The following LRMDA variants were observed in gnomAD, a reference collection of about 807,000 sequenced individuals.
LRMDA encodes leucine rich melanocyte differentiation associated.
Under a neutral mutation model 29.8 loss-of-function variants are expected in LRMDA, and 18 were observed. The observed-to-expected ratio is 0.60, with a 90% confidence interval of 0.42 to 0.90. LRMDA has a LOEUF of 0.90. Among genes scored for constraint, LRMDA ranks in the 40% least tolerant of loss-of-function variants. LRMDA has a pLI of 0.00. For missense variants in LRMDA, 273 were observed against 273.9 expected, an observed-to-expected ratio of 1.00 and a Z score of 0.02; for synonymous variants, 125 against 109.4, an observed-to-expected ratio of 1.14 and a Z score of -0.89.
chr10:75,485,012 G>T (rs1844894928), intron 2 of LRMDA, among the ~76,000 whole-genome samples: 1 of 152,196 alleles, frequency 6.6e-6, no homozygotes, highest in South Asian at 2.1e-4. Flanking sequence ...AGAACAAACA[G>T]TTCAGATAGA....
chr10:76,398,653 C>T (rs1589165937), intron 6 of LRMDA, among the ~76,000 whole-genome samples: 1 of 152,184 alleles, frequency 6.6e-6, no homozygotes, highest in African/African-American at 2.4e-5. Context: ...AAATTACATT[C>T]AGACATTCAA....
chr10:76,158,509 A>G (rs748955963), intron 5 of LRMDA, among the ~76,000 whole-genome samples: 1 of 151,654 alleles, frequency 6.6e-6, no homozygotes, highest in Non-Finnish European at 1.5e-5. Flanking sequence ...GCTCAGTCTT[A>G]TGAAATGAAA....
intron 2 of LRMDA, among the ~76,000 whole-genome samples, chr10:75,650,945 A>G (rs1468311336): frequency 1.3e-5 from 2 of 151,714 alleles, no homozygotes; most frequent in African/African-American, 4.8e-5. Context: ...AGGGCAGCCT[A>G]CTCTCTCCTC....
chr10:75,750,078 T>C (rs1238177415), intron 2 of LRMDA, among the ~76,000 whole-genome samples: 1 of 152,234 alleles, frequency 6.6e-6, no homozygotes, highest in South Asian at 2.1e-4. Context: ...TCCCCACTTT[T>C]CCCCCTTTTT....
At chr10:75,964,417 A>C (rs998259827) in intron 2 of LRMDA, among the ~76,000 whole-genome samples, 6 of 152,242 alleles carry the variant, frequency 3.9e-5, no homozygotes, top group African/African-American at 1.4e-4. Flanking sequence ...TAATAAAATC[A>C]GACATTAGAT....
chr10:76,420,204 G>A (rs1842058385), intron 6 of LRMDA, among the ~76,000 whole-genome samples: 1 of 151,882 alleles, frequency 6.6e-6, no homozygotes, highest in Non-Finnish European at 1.5e-5. Context: ...TTTCTTTGTG[G>A]TAAGGCATTT....
chr10:76,097,326 A>G (rs1849328491), intron 5 of LRMDA, among the ~76,000 whole-genome samples: 1 of 152,214 alleles, frequency 6.6e-6, no homozygotes, highest in African/African-American at 2.4e-5. Flanking sequence ...TTGCTTTTAA[A>G]TAGAGACAGT....
intron 2 of LRMDA, among the ~76,000 whole-genome samples, chr10:75,976,668 T>G (rs1268124248): frequency 6.6e-6 from 1 of 152,184 alleles, no homozygotes; most frequent in African/African-American, 2.4e-5. Flanking sequence ...GCCCTTCACA[T>G]ATATTAAGCC....
chr10:75,611,537 C>G (rs1841031838), intron 2 of LRMDA, among the ~76,000 whole-genome samples: 1 of 152,194 alleles, frequency 6.6e-6, no homozygotes, highest in Non-Finnish European at 1.5e-5. Context: ...CCCCTCCTCC[C>G]CTCAGCCCCA....
intron 2 of LRMDA, among the ~76,000 whole-genome samples, chr10:75,881,684 T>G (rs1845297480): frequency 6.6e-6 from 1 of 152,200 alleles, no homozygotes; most frequent in African/African-American, 2.4e-5. Flanking sequence ...GAACACCAAG[T>G]GGCCAATGAG....
intron 2 of LRMDA, among the ~76,000 whole-genome samples, chr10:75,937,211 T>A (rs903153274): frequency 1.3e-5 from 2 of 152,200 alleles, no homozygotes; most frequent in African/African-American, 4.8e-5. Context: ...TGAACAGAGA[T>A]AAATATTTTT....
At chr10:76,153,749 G>C (rs771091664) in intron 5 of LRMDA, among the ~76,000 whole-genome samples, 4 of 152,160 alleles carry the variant, frequency 2.6e-5, no homozygotes, top group Non-Finnish European at 5.9e-5. Flanking sequence ...CCCTTCATTA[G>C]GGGTGCAGTC....
rs777119760 is a variant in LRMDA at position 76,068,929 on chromosome 10, G to A, written c.516+10146G>A. Among the ~76,000 whole-genome samples, 9 of 152,238 alleles carry A rather than the reference G, an allele frequency of 5.9e-5. No individual in the cohort carries two copies. In the East Asian group the frequency reaches 1.3e-3, roughly 23 times the overall value. ...AGGGGCCAGATGCTCACAAGAGAGG[G>A]GCTTCTCATTTCAAAAGAAATTATC... On this transcript the variant is annotated intron_variant, in intron 5 of 6. Transcript: ENST00000611255.
chr10:76,179,872 C>G (rs1478407131), intron 5 of LRMDA, among the ~76,000 whole-genome samples: 1 of 152,140 alleles, frequency 6.6e-6, no homozygotes, highest in Non-Finnish European at 1.5e-5. Flanking sequence ...TAAAGTGAAT[C>G]AACAAGATTC....
intron 6 of LRMDA, among the ~76,000 whole-genome samples, chr10:76,476,975 C>T (rs1842680482): frequency 6.6e-6 from 1 of 152,116 alleles, no homozygotes; most frequent in African/African-American, 2.4e-5. Context: ...GAAGCATTCC[C>T]TTTGAAAATG....
At chr10:76,281,184 C>A (rs1193748945) in intron 5 of LRMDA, among the ~76,000 whole-genome samples, 1 of 152,038 alleles carries the variant, frequency 6.6e-6, no homozygotes, top group Admixed American at 6.5e-5. Context: ...CTTTTCTAGG[C>A]TGAGGAAAAG....
intron 2 of LRMDA, among the ~76,000 whole-genome samples, chr10:75,551,889 A>G (rs1435934769): frequency 6.6e-6 from 1 of 151,900 alleles, no homozygotes; most frequent in African/African-American, 2.4e-5. Context: ...ACATTAAAAA[A>G]AATATTAGCT....
At chr10:75,698,514 C>T (rs1842266344) in intron 2 of LRMDA, among the ~76,000 whole-genome samples, 1 of 152,180 alleles carries the variant, frequency 6.6e-6, no homozygotes, top group Non-Finnish European at 1.5e-5. Context: ...GGTGCCCTCA[C>T]TTGGTGCAGG....
At chr10:76,474,290 A>G (rs1842645774) in intron 6 of LRMDA, among the ~76,000 whole-genome samples, 1 of 151,640 alleles carries the variant, frequency 6.6e-6, no homozygotes, top group Non-Finnish European at 1.5e-5. Flanking sequence ...GAAAACATAG[A>G]CATAAATCTG....
Sources: allele counts gnomAD v4.1 joint callset (sites outside exome capture counted in the v4.1 genomes callset), GRCh38; gene constraint gnomAD v4.1.1; transcripts MANE v1.5; gene names NCBI Gene and HGNC (gene_info 2026-07-23, HGNC 2026-07-21).